Variants in NOX4 observed in about 807,000 individuals in gnomAD.
NOX4 encodes the protein NADPH oxidase 4, also known as kidney oxidase-1.
Under a neutral mutation model 87.6 loss-of-function variants are expected in NOX4, and 69 were observed. That is an observed-to-expected ratio of 0.79 (90% CI 0.65 to 0.96). The LOEUF is 0.96. NOX4 is among the 40% of genes least tolerant of loss of function. The pLI, the probability that NOX4 is intolerant of heterozygous loss-of-function variation, is 0.00. For missense variants in NOX4, 680 were observed against 681.5 expected, an observed-to-expected ratio of 1.00 and a Z score of 0.02; for synonymous variants, 275 against 238.2, an observed-to-expected ratio of 1.15 and a Z score of -1.42.
chr11:89,402,495 C>T lies in NOX4; in HGVS notation c.677G>A (p.Cys226Tyr), dbSNP rs1465486215. Residue 226 changes from cysteine (C) to tyrosine (Y), a missense_variant, in exon 9 of 18, where the codon TGC becomes TAC. By Grantham distance (194) the Cys-to-Tyr change is radical. Transcript: ENST00000263317. The part of the protein sequence containing the change: ...QTNLDTHPPG[C>Y]ISLNRTSSQN... ...AGAGCTGGTTCGGTTAAGACTGATGCAGCCGGGAGGGTGGGTATCTAAATT... is the reference window on the plus strand; with the variant it reads ...AGAGCTGGTTCGGTTAAGACTGATGTAGCCGGGAGGGTGGGTATCTAAATT... 6.2e-7 allele frequency: 1 copy of T among 1,611,386 alleles called. No individual in the cohort carries two copies. The highest frequency in any genetic ancestry group is 1.1e-5 in the South Asian group (1 of 90,528).
At chr11:89,494,068 A>T (rs979911988), upstream of NOX4, among the ~76,000 whole-genome samples, 2 of 152,124 alleles carry the variant, frequency 1.3e-5, no homozygotes, top group African/African-American at 2.4e-5. Flanking sequence ...CAGATTGTTT[A>T]ATGACATAGT....
upstream of NOX4, among the ~76,000 whole-genome samples, chr11:89,493,189 A>C (rs7938694): frequency 7.9e-3 from 1,199 of 152,220 alleles, 22 homozygotes; most frequent in African/African-American, 0.027. Flanking sequence ...GATGGAGGCC[A>C]TCCTGGCCAA....
intron 2 of NOX4, among the ~76,000 whole-genome samples, chr11:89,468,882 C>T (rs1945812832): frequency 6.6e-6 from 1 of 152,128 alleles, no homozygotes; most frequent in African/African-American, 2.4e-5. Flanking sequence ...GTAGCTGGGA[C>T]TACAGGTGCA....
At chr11:89,389,505 A>G (rs539275237) in intron 11 of NOX4, among the ~76,000 whole-genome samples, 1 of 152,292 alleles carries the variant, frequency 6.6e-6, no homozygotes, top group East Asian at 1.9e-4. Context: ...GAAAATAAGT[A>G]TTAGACTTTT....
the NOX4 span, among the ~76,000 whole-genome samples, chr11:89,521,686 C>A: frequency 6.6e-6 from 1 of 151,904 alleles, no homozygotes; most frequent in African/African-American, 2.4e-5. Context: ...CCAGTGCCAC[C>A]TAATTAAACA....
chr11:89,449,289 C>T lies in NOX4; in HGVS notation c.349+151G>A, dbSNP rs1944842621. 8.7e-6 allele frequency: 5 copies of T among 573,188 alleles called. No individual in the cohort carries two copies. In the Admixed American group the frequency reaches 1.7e-4, roughly 19 times the overall value. 35.5% of individuals were successfully genotyped at this position (573,188 alleles called of 1,614,324 possible). On this transcript the variant is annotated intron_variant, in intron 4 of 17. Transcript: ENST00000263317. Reference sequence around the variant, plus strand: ...TTAATGACATTATATGTTAATATATCTGCAGGCAATTACCCCAAATTGTCA... The same window carrying T: ...TTAATGACATTATATGTTAATATATTTGCAGGCAATTACCCCAAATTGTCA...
At chr11:89,420,114 A>C (rs1456738275) in intron 8 of NOX4, among the ~76,000 whole-genome samples, 1 of 152,126 alleles carries the variant, frequency 6.6e-6, no homozygotes, top group Non-Finnish European at 1.5e-5. Flanking sequence ...TTTCTGAATC[A>C]GAATGCCTAG....
chr11:89,427,278 C>T lies in NOX4; in HGVS notation c.549-5296G>A, dbSNP rs564557005. Among the ~76,000 whole-genome samples the T allele has an allele frequency of 9.9e-5, 15 of 152,196 alleles. No individual in the cohort carries two copies. In the East Asian group the frequency reaches 2.1e-3, roughly 22 times the overall value. ...AAAACCACAAAGATGGGGAAAAAAA[C>T]AGAGCAGAAAAGCTGAAAATTCTAA... is the stretch of plus-strand genomic sequence containing the variant. On this transcript the variant is annotated intron_variant, in intron 7 of 17. Transcript: ENST00000263317.
At chr11:89,484,561 GAAC>G (rs1199388692) in intron 2 of NOX4, among the ~76,000 whole-genome samples, 1 of 151,966 alleles carries the variant, frequency 6.6e-6, no homozygotes, top group Non-Finnish European at 1.5e-5. Flanking sequence ...GGACTAAGGA[GAAC>G]AATAGACTAA....
chr11:89,452,007 A>C, intron 2 of NOX4, 112 bp from the exon 3 acceptor site: 3 of 670,708 alleles, frequency 4.5e-6, no homozygotes, highest in Non-Finnish European at 7.9e-6. Context: ...CATGCCAAAT[A>C]CCAGCTCCTT....
intron 2 of NOX4, among the ~76,000 whole-genome samples, chr11:89,455,464 C>A (rs1326651122): frequency 1.3e-5 from 2 of 152,032 alleles, no homozygotes; most frequent in East Asian, 3.9e-4. Flanking sequence ...GTATCCTCAG[C>A]CCTAACACAG....
At chr11:89,341,511 A>G (rs1018627306) in intron 14 of NOX4, among the ~76,000 whole-genome samples, 5 of 152,226 alleles carry the variant, frequency 3.3e-5, no homozygotes, top group African/African-American at 1.2e-4. Context: ...TTGTCATCTC[A>G]GAAAAGCCTG....
the NOX4 span, among the ~76,000 whole-genome samples, chr11:89,560,968 C>A: frequency 1.6e-3 from 107 of 65,648 alleles, 9 homozygotes; most frequent in South Asian, 3.8e-3. Flanking sequence ...TCTCGTCTCT[C>A]TCTCTCTCTC....
At chr11:89,543,376 G>A in the NOX4 span, among the ~76,000 whole-genome samples, 1 of 151,962 alleles carries the variant, frequency 6.6e-6, no homozygotes, top group Non-Finnish European at 1.5e-5. Flanking sequence ...TTCCCCTATT[G>A]TTCTACATAT....
the NOX4 span, among the ~76,000 whole-genome samples, chr11:89,535,311 T>A: frequency 1.8e-4 from 27 of 152,374 alleles, no homozygotes; most frequent in African/African-American, 6.3e-4. Context: ...CCCCATTTGG[T>A]GTTTAGTTAT....
At chr11:89,389,893 A>C (rs1186085930) in intron 11 of NOX4, among the ~76,000 whole-genome samples, 1 of 152,154 alleles carries the variant, frequency 6.6e-6, no homozygotes, top group Non-Finnish European at 1.5e-5. Context: ...TTTCTGTGTC[A>C]CCGAGTTAAC....
chr11:89,524,627 C>T, the NOX4 span, among the ~76,000 whole-genome samples: 3 of 151,930 alleles, frequency 2.0e-5, no homozygotes, highest in Non-Finnish European at 4.4e-5. Context: ...TAAATTTATT[C>T]ACTAATGCAA....
chr11:89,572,764 C>A, the NOX4 span, among the ~76,000 whole-genome samples: 7 of 152,002 alleles, frequency 4.6e-5, no homozygotes, highest in South Asian at 2.1e-4. Context: ...TCTGTATTTT[C>A]TTTTTACATA....
At chr11:89,496,629 A>T (rs2135508132), upstream of NOX4, among the ~76,000 whole-genome samples, 1 of 152,224 alleles carries the variant, frequency 6.6e-6, no homozygotes, top group East Asian at 1.9e-4. Flanking sequence ...GACTAGTCAA[A>T]TTTTGCTGCA....
Sources: allele counts gnomAD v4.1 joint callset (sites outside exome capture counted in the v4.1 genomes callset), GRCh38; gene constraint gnomAD v4.1.1; transcripts MANE v1.5; gene names NCBI Gene and HGNC (gene_info 2026-07-23, HGNC 2026-07-21).